Variants in ST18 observed in about 807,000 individuals in gnomAD.
The protein encoded by ST18 is ST18 C2H2C-type zinc finger transcription factor.
ST18 carries 50 observed loss-of-function variants against 110.0 expected under a neutral mutation model. The ratio of observed to expected loss-of-function variants is 0.45; its 90% CI spans 0.36 to 0.58. ST18 has a LOEUF of 0.58. Among genes scored for constraint, ST18 ranks in the 20% least tolerant of loss-of-function variants. The pLI is 0.00. For synonymous variants in ST18, 461 were observed against 452.4 expected (o/e 1.02, Z -0.24); for missense variants, 1,306 against 1,280.1 (o/e 1.02, Z -0.31).
At chr8:52,218,901 A>C (rs1170605177) in intron 5 of ST18, among the ~76,000 whole-genome samples, 1 of 149,724 alleles carries the variant, frequency 6.7e-6, no homozygotes, top group East Asian at 2.0e-4. Flanking sequence ...GGCTGCTGAG[A>C]AGAGCTGCTG....
intron 2 of ST18, among the ~76,000 whole-genome samples, chr8:52,305,301 C>T (rs1370365107): frequency 6.6e-6 from 1 of 152,192 alleles, no homozygotes; most frequent in Admixed American, 6.5e-5. Context: ...TGCTTTTCTT[C>T]CCAACTCAGT....
chr8:52,256,853 A>G (rs973347295), intron 2 of ST18, among the ~76,000 whole-genome samples: 1 of 152,210 alleles, frequency 6.6e-6, no homozygotes, highest in Non-Finnish European at 1.5e-5. Context: ...CTTCTAATAT[A>G]TTCATAGTTG....
chr8:52,221,085 CTCTATCTATCTATCTATCTATCTA>C (rs58429982), intron 4 of ST18, among the ~76,000 whole-genome samples: 98 of 148,446 alleles, frequency 6.6e-4, no homozygotes, highest in African/African-American at 1.9e-3. Context: ...AACTACCTAT[CTCTATCTATCTATCTATCTATCTA>C]TCTATCTATC....
At chr8:52,177,522 T>C (rs1433976647) in intron 9 of ST18, among the ~76,000 whole-genome samples, 1 of 152,046 alleles carries the variant, frequency 6.6e-6, no homozygotes, top group Non-Finnish European at 1.5e-5. Context: ...AACTCAGTGC[T>C]CTTTCCTCCT....
intron 2 of ST18, among the ~76,000 whole-genome samples, chr8:52,379,615 T>A (rs1264243150): frequency 1.3e-5 from 2 of 151,646 alleles, no homozygotes; most frequent in Admixed American, 6.6e-5. Flanking sequence ...TGAAAAAAAA[T>A]TAGAAAAAGG....
In ST18 at chr8:52,334,686, A is replaced by G. The variant is rs72642775; in HGVS notation, c.-465+74642T>C. Among the ~76,000 whole-genome samples, 989 of 151,490 alleles carry G rather than the reference A, an allele frequency of 6.5e-3. 10 individuals carry two copies. Among genetic ancestry groups the G allele is most frequent in the Non-Finnish European group, 0.011 (719 of 67,876 alleles). Reference sequence around the variant, plus strand: ...CTGCCCAAAAATCAAGCTAAATGGTATGTCTTCCAAAGGGAACTGTGAAAA... The same window carrying G: ...CTGCCCAAAAATCAAGCTAAATGGTGTGTCTTCCAAAGGGAACTGTGAAAA... On this transcript the variant is annotated intron_variant, in intron 2 of 25. Transcript: ENST00000689386.
At chr8:52,405,292 A>G (rs1264279497) in intron 2 of ST18, 3 of 152,222 alleles carry the variant, frequency 2.0e-5, no homozygotes, top group African/African-American at 7.2e-5. Context: ...ACAGATTATA[A>G]ATTATCAAAA....
At chr8:52,138,111 A>G (rs951935367) in intron 17 of ST18, among the ~76,000 whole-genome samples, 34 of 150,086 alleles carry the variant, frequency 2.3e-4, no homozygotes, top group Non-Finnish European at 4.4e-4. Context: ...AAAAAAAAAA[A>G]GAAAAGAAAA....
At chr8:52,120,141 G>A (rs2044116490) in intron 23 of ST18, among the ~76,000 whole-genome samples, 1 of 152,154 alleles carries the variant, frequency 6.6e-6, no homozygotes, top group African/African-American at 2.4e-5. Context: ...TTACTGGTTG[G>A]TGTGCAGGTA....
intron 9 of ST18, among the ~76,000 whole-genome samples, chr8:52,174,226 A>T (rs2066056815): frequency 6.6e-6 from 1 of 152,242 alleles, no homozygotes. Flanking sequence ...TCCTGAATTC[A>T]TATCAGAGGA....
intron 2 of ST18, among the ~76,000 whole-genome samples, chr8:52,290,879 C>T (rs2095545212): frequency 6.6e-6 from 1 of 152,218 alleles, no homozygotes. Context: ...ACCTTGTTCT[C>T]TTCTCGCCTT....
intron 3 of ST18, among the ~76,000 whole-genome samples, chr8:52,222,836 A>G (rs2087463593): frequency 6.6e-6 from 1 of 152,238 alleles, no homozygotes; most frequent in Non-Finnish European, 1.5e-5. Context: ...ATATTCATGC[A>G]GTATACACAT....
chr8:52,264,393 T>C (rs888617544), intron 2 of ST18, among the ~76,000 whole-genome samples: 1 of 152,188 alleles, frequency 6.6e-6, no homozygotes, highest in African/African-American at 2.4e-5. Context: ...TTCTCTAAGA[T>C]TTTTTTGGAA....
intron 8 of ST18, chr8:52,209,939 A>G: frequency 2.7e-6 from 1 of 370,698 alleles, no homozygotes; most frequent in African/African-American, 2.1e-5. Flanking sequence ...CTTTTTCTCT[A>G]TGAATTATAT....
At chr8:52,393,197 C>T (rs905055196) in intron 2 of ST18, among the ~76,000 whole-genome samples, 1 of 152,164 alleles carries the variant, frequency 6.6e-6, no homozygotes, top group Non-Finnish European at 1.5e-5. Context: ...GTACAATCCA[C>T]ACATCTATTA....
intron 2 of ST18, among the ~76,000 whole-genome samples, chr8:52,267,256 C>T (rs900754616): frequency 1.3e-5 from 2 of 151,770 alleles, no homozygotes; most frequent in Admixed American, 1.3e-4. Flanking sequence ...AAGCATGGTG[C>T]CAAGAGTGGT....
chr8:52,175,165 C>T (rs1487745599), intron 9 of ST18, among the ~76,000 whole-genome samples: 1 of 152,114 alleles, frequency 6.6e-6, no homozygotes, highest in African/African-American at 2.4e-5. Context: ...TAGTTATCAC[C>T]CTGTGTACCC....
intron 8 of ST18, among the ~76,000 whole-genome samples, chr8:52,186,271 G>A (rs1030336414): frequency 2.6e-5 from 4 of 152,124 alleles, no homozygotes; most frequent in African/African-American, 7.2e-5. Flanking sequence ...CAAAGTACAC[G>A]GGCAGTCACT....
chr8:52,370,352 A>ATGTGTGCATGTGTG (rs1250682223), intron 2 of ST18, among the ~76,000 whole-genome samples: 4 of 152,030 alleles, frequency 2.6e-5, no homozygotes, highest in African/African-American at 9.7e-5. Flanking sequence ...AGGCAGGCAC[A>ATGTGTGCATGTGTG]TGTGTGCATG....
Sources: allele counts gnomAD v4.1 joint callset (sites outside exome capture counted in the v4.1 genomes callset), GRCh38; gene constraint gnomAD v4.1.1; transcripts MANE v1.5; gene names NCBI Gene and HGNC (gene_info 2026-07-23, HGNC 2026-07-21).